Variants in ASXL2 observed in about 807,000 individuals in gnomAD.
ASXL2 encodes putative Polycomb group protein ASXL2.
Under a neutral mutation model 122.0 loss-of-function variants are expected in ASXL2, and 23 were observed. The observed-to-expected ratio is 0.19, with a 90% confidence interval of 0.14 to 0.27. The LOEUF (loss-of-function observed/expected upper bound fraction) is 0.27, where lower values mean the gene tolerates loss of function less well. Ranked by LOEUF, ASXL2 falls within the 10% of genes least tolerant of loss-of-function variation. The pLI is 1.00. For missense variants in ASXL2, 1,518 were observed against 1,713.8 expected, an observed-to-expected ratio of 0.89 and a Z score of 2.02; for synonymous variants, 650 against 637.0, an observed-to-expected ratio of 1.02 and a Z score of -0.31.
At chr2:25,773,332 A>G (rs1333791949) in intron 5 of ASXL2, among the ~76,000 whole-genome samples, 1 of 152,106 alleles carries the variant, frequency 6.6e-6, no homozygotes, top group Non-Finnish European at 1.5e-5. Context: ...ATGTTTAAAA[A>G]TGGAGTTGAA....
intron 2 of ASXL2, among the ~76,000 whole-genome samples, chr2:25,839,742 C>A (rs370754864): frequency 2.6e-5 from 4 of 151,350 alleles, no homozygotes; most frequent in East Asian, 3.9e-4. Context: ...CCTGCCTCAG[C>A]CTCCCAGCAT....
Position 25,803,128 on chromosome 2 carries a change from T to C in ASXL2, c.252+3101A>G, listed in dbSNP as rs1463730340. Among the ~76,000 whole-genome samples, 4 of 139,568 alleles carry C rather than the reference T, an allele frequency of 2.9e-5. No homozygotes were observed. In the Admixed American group the frequency reaches 3.1e-4, roughly 11 times the overall value. The allele number at this position is 139,568 out of a possible 152,430, so 91.6% of individuals were successfully genotyped here. ...GCCTGGGCGACAGAGCGAGACTCCA[T>C]CTCAAAATGAATGAATGAATGAATG... is the stretch of plus-strand genomic sequence containing the variant. On this transcript the variant is annotated intron_variant, in intron 4 of 12. Transcript: ENST00000435504.
Position 25,742,195 on chromosome 2 carries a change from G to A in ASXL2, c.4142C>T (p.Thr1381Ile). 6.2e-7 allele frequency: 1 copy of A among 1,614,018 alleles called. No individual in the cohort carries two copies. Among genetic ancestry groups the A allele is most frequent in the Non-Finnish European group, 8.5e-7 (1 of 1,179,900 alleles). ...TTCGGAGAACGCCTGAACAGGAATGGTCTGGCCATGGCTGCTGGGATTCAT... is the reference window on the plus strand; with the variant it reads ...TTCGGAGAACGCCTGAACAGGAATGATCTGGCCATGGCTGCTGGGATTCAT... The part of the protein sequence containing the change: ...QAMNPSSHGQ[T>I]IPVQAFSEEN... Residue 1381 changes from threonine to isoleucine, a missense_variant, in exon 13 of 13, where the codon ACC becomes ATC. By Grantham distance (89) the Thr-to-Ile change is moderately conservative. This residue lies in a region of ASXL2 where 831 missense variants were observed against 833.1 expected (regional missense o/e 1.00). Coordinates refer to ENST00000435504, the MANE Select transcript of ASXL2 (RefSeq NM_018263.6).
intron 1 of ASXL2, among the ~76,000 whole-genome samples, chr2:25,871,735 G>C (rs1181149900): frequency 6.6e-6 from 1 of 152,266 alleles, no homozygotes; most frequent in South Asian, 2.1e-4. Context: ...GAGATTACAG[G>C]CATGCGCCAC....
chr2:25,815,103 A>T (rs2089217580), intron 3 of ASXL2, among the ~76,000 whole-genome samples: 1 of 152,120 alleles, frequency 6.6e-6, no homozygotes, highest in Non-Finnish European at 1.5e-5. Flanking sequence ...AAGTGATAGG[A>T]ATCTCACCCT....
intron 3 of ASXL2, among the ~76,000 whole-genome samples, chr2:25,820,341 T>C (rs148586397): frequency 4.6e-5 from 7 of 152,320 alleles, no homozygotes; most frequent in African/African-American, 7.2e-5. Context: ...AAGAATTCTT[T>C]GTACTACCTT....
At position 25,784,053 on chromosome 2, in the gene ASXL2, CTAAATAAA is replaced by C. The variant is rs59180424; in HGVS notation, c.404-12521_404-12514del. On this transcript the variant is annotated intron_variant, in intron 5 of 12. Coordinates refer to ENST00000435504, the MANE Select transcript of ASXL2 (RefSeq NM_018263.6). The stretch of plus-strand genomic sequence containing the variant: ...TGGGCGAAAGAGTGAAACTCCATCT[CTAAATAAA>C]TAAATAAATAAATAAATAAATAAAT... Among the ~76,000 whole-genome samples the C allele has an allele frequency of 7.1e-3, 989 of 138,456 alleles. 17 individuals carry two copies. The highest frequency in any genetic ancestry group is 0.018 in the African/African-American group (663 of 36,722). The allele number at this position is 138,456 out of a possible 152,430, so 90.8% of individuals were successfully genotyped here. A position where few individuals can be genotyped will look rare whatever the true frequency, so the allele number is the denominator to read the frequency against.
At position 25,868,326 on chromosome 2, in the gene ASXL2, G is replaced by C. The variant is rs1202228310; in HGVS notation, c.57+9840C>G. On this transcript the variant is annotated intron_variant, in intron 1 of 12. Coordinates refer to ENST00000435504, the MANE Select transcript of ASXL2 (RefSeq NM_018263.6). Reference sequence around the variant, plus strand: ...AAGATGACGTGGGCCATCCCAGGCTGTGAACGCCATGAAAGTCCATTCTAG... The same window carrying C: ...AAGATGACGTGGGCCATCCCAGGCTCTGAACGCCATGAAAGTCCATTCTAG... Among the ~76,000 whole-genome samples, 3 of 152,246 alleles carry C rather than the reference G, an allele frequency of 2.0e-5. No individual in the cohort carries two copies. In the East Asian group the frequency reaches 5.8e-4, roughly 29 times the overall value.
chr2:25,734,611 A>T lies in ASXL2; in HGVS notation c.*7418T>A, dbSNP rs2087705635. 1 of 152,204 alleles carries T rather than the reference A, an allele frequency of 6.6e-6. No individual in the cohort carries two copies. Among genetic ancestry groups the T allele is most frequent in the African/African-American group, 2.4e-5 (1 of 41,460 alleles). 9.4% of individuals were successfully genotyped at this position (152,204 alleles called of 1,614,324 possible). The stretch of plus-strand genomic sequence containing the variant: ...GTAACATTTAATGCACTGCTTTCTA[A>T]TTGGGCTAATTTGAATCCTAAATAT... On this transcript the variant is annotated 3_prime_UTR_variant, in exon 13 of 13. Coordinates refer to ENST00000435504, the MANE Select transcript of ASXL2 (RefSeq NM_018263.6).
chr2:25,820,983 A>G (rs2089301014), intron 3 of ASXL2, among the ~76,000 whole-genome samples: 1 of 152,082 alleles, frequency 6.6e-6, no homozygotes, highest in South Asian at 2.1e-4. Flanking sequence ...CCTGACCAAC[A>G]TGGAGAAATC....
rs1399679460 is a variant in ASXL2 at position 25,743,514 on chromosome 2, T to C, written c.2823A>G (p.Arg941=). ...TATTAGCAGGGATACTAGAGGTTGG[T>C]CTTAAAGTGGGTCCATTCATGTTTA... ...TSLNMNGPTL[R]PTSSIPANNP... is the part of the protein sequence containing the mutation. The change falls in exon 13 of 13, where the codon AGA becomes AGG. Residue 941 remains arginine (R), a synonymous_variant. Coordinates refer to ENST00000435504, the MANE Select transcript of ASXL2 (RefSeq NM_018263.6). The C allele has an allele frequency of 6.2e-7, 1 of 1,613,968 alleles. No homozygotes were observed.
chr2:25,762,306 A>C (rs1300339703), intron 8 of ASXL2, among the ~76,000 whole-genome samples: 1 of 132,178 alleles, frequency 7.6e-6, no homozygotes, highest in Non-Finnish European at 1.7e-5. Flanking sequence ...AATTAATATG[A>C]ACACACCAAA....
At chr2:25,853,351 T>C (rs2089740558) in intron 1 of ASXL2, among the ~76,000 whole-genome samples, 3 of 152,178 alleles carry the variant, frequency 2.0e-5, no homozygotes, top group African/African-American at 7.2e-5. Context: ...GAAAAAGTCC[T>C]TACCTGGCTG....
At chr2:25,830,189 T>A (rs1398268070) in intron 3 of ASXL2, among the ~76,000 whole-genome samples, 1 of 152,192 alleles carries the variant, frequency 6.6e-6, no homozygotes. Context: ...TAAACCTAAG[T>A]AAGCACAGTG....
At chr2:25,835,994 G>A (rs897532570) in intron 2 of ASXL2, among the ~76,000 whole-genome samples, 2 of 152,180 alleles carry the variant, frequency 1.3e-5, no homozygotes, top group Non-Finnish European at 2.9e-5. Context: ...CAATGGATAA[G>A]AATACTCTTT....
In ASXL2 at chr2:25,734,282, C is replaced by A. The variant is rs765879376; in HGVS notation, c.*7747G>T. ...GTCTCCTTATCTAACAAAGGGGTAA[C>A]CAAATCCAAGACTCTGGAAGCATCT... On this transcript the variant is annotated 3_prime_UTR_variant, in exon 13 of 13. Coordinates refer to ENST00000435504, the MANE Select transcript of ASXL2 (RefSeq NM_018263.6). 4 of 152,000 alleles carry A rather than the reference C, an allele frequency of 2.6e-5. No individual in the cohort carries two copies. The highest frequency in any genetic ancestry group is 1.3e-4 in the Admixed American group (2 of 15,260). 9.4% of individuals were successfully genotyped at this position (152,000 alleles called of 1,614,324 possible).
intron 3 of ASXL2, among the ~76,000 whole-genome samples, chr2:25,830,227 C>T (rs75790879): frequency 6.6e-6 from 1 of 152,202 alleles, no homozygotes; most frequent in Non-Finnish European, 1.5e-5. Flanking sequence ...GACTGGACAT[C>T]CCCTAACATG....
chr2:25,862,823 C>A (rs35019945), intron 1 of ASXL2, among the ~76,000 whole-genome samples: 42,245 of 151,234 alleles, frequency 0.28, 6,220 homozygotes, highest in African/African-American at 0.33. Flanking sequence ...CTAGGCTGGT[C>A]TTGAACTCCT....
chr2:25,865,140 T>G (rs2149201714), intron 1 of ASXL2, among the ~76,000 whole-genome samples: 1 of 151,362 alleles, frequency 6.6e-6, no homozygotes, highest in East Asian at 2.0e-4. Context: ...ACAATTTAAA[T>G]CCAATTTAGG....
Sources: allele counts gnomAD v4.1 joint callset (sites outside exome capture counted in the v4.1 genomes callset), GRCh38; gene constraint gnomAD v4.1.1; regional missense constraint gnomAD v4.1.1; transcripts MANE v1.5; gene names NCBI Gene and HGNC (gene_info 2026-07-23, HGNC 2026-07-21).